Variants in GPR155 observed in about 807,000 individuals in gnomAD.
GPR155 encodes the protein lysosomal cholesterol signaling protein.
GPR155 carries 65 observed loss-of-function variants against 93.1 expected under a neutral mutation model. The ratio of observed to expected loss-of-function variants is 0.70; its 90% CI spans 0.57 to 0.86. The LOEUF is 0.86. Among genes scored for constraint, GPR155 ranks in the 40% least tolerant of loss-of-function variants. The probability of loss-of-function intolerance (pLI) is 0.00; values close to 1 mark genes in which losing one functional copy is unlikely to be tolerated. For synonymous variants in GPR155, 319 were observed against 360.1 expected (o/e 0.89, Z 1.29); for missense variants, 838 against 1,034.8 (o/e 0.81, Z 2.61).
chr2:174,441,173 T>G lies in GPR155; in HGVS notation c.2174+946A>C, dbSNP rs552427316. Reference sequence around the variant, plus strand: ...GTGGCATTTAGTGGTGTCTTCGCAGTTACTAAAGGTTTAAAAACATCACTA... The same window carrying G: ...GTGGCATTTAGTGGTGTCTTCGCAGGTACTAAAGGTTTAAAAACATCACTA... On this transcript the variant is annotated intron_variant, in intron 14 of 15. Coordinates refer to ENST00000392552, the MANE Select transcript of GPR155 (RefSeq NM_152529.7). 2.0e-5 allele frequency among the ~76,000 whole-genome samples: 3 copies of G among 152,258 alleles called. No homozygotes were observed. In the South Asian group the frequency reaches 6.2e-4, roughly 32 times the overall value.
chr2:174,446,793 T>C, intron 11 of GPR155, 46 bp from the exon 12 acceptor site: 1 of 1,566,802 alleles, frequency 6.4e-7, no homozygotes, highest in Non-Finnish European at 8.7e-7. Context: ...GCTTTTTATC[T>C]AAATGCATTT....
chr2:174,461,364 C>A (rs758384474), intron 9 of GPR155, 38 bp downstream of exon 9: 26 of 1,256,682 alleles, frequency 2.1e-5, no homozygotes, highest in Non-Finnish European at 2.8e-5. Context: ...TAAAAAGAGA[C>A]ATTCTCAAGA....
intron 13 of GPR155, among the ~76,000 whole-genome samples, chr2:174,443,727 T>TA (rs1024058872): frequency 2.6e-4 from 38 of 146,364 alleles, no homozygotes; most frequent in Admixed American, 4.1e-4. Context: ...CCATCTCAAT[T>TA]AAAAAAAAAA....
intron 11 of GPR155, among the ~76,000 whole-genome samples, chr2:174,452,840 C>T (rs181173408): frequency 2.1e-3 from 314 of 152,166 alleles, no homozygotes; most frequent in African/African-American, 7.2e-3. Context: ...TCAGTAGAGA[C>T]GGGGTTTCAC....
chr2:174,474,350 G>C (rs1329777878), intron 2 of GPR155, among the ~76,000 whole-genome samples: 5 of 152,188 alleles, frequency 3.3e-5, no homozygotes, highest in African/African-American at 1.2e-4. Context: ...GAATGAAAAG[G>C]AATGAATGCC....
intron 2 of GPR155, among the ~76,000 whole-genome samples, chr2:174,473,786 A>G (rs1574733446): frequency 6.6e-6 from 1 of 152,222 alleles, no homozygotes; most frequent in East Asian, 1.9e-4. Context: ...GACAGAAGTC[A>G]GATCACAGAG....
Position 174,432,703 on chromosome 2 carries a change from A to AATTGCT in GPR155, c.*3412_*3413insAGCAAT, listed in dbSNP as rs1308767753. The AATTGCT allele has an allele frequency of 6.6e-6, 1 of 151,978 alleles. No homozygotes were observed. The highest frequency in any genetic ancestry group is 1.9e-4 in the East Asian group (1 of 5,192). 9.4% of individuals were successfully genotyped at this position (151,978 alleles called of 1,614,324 possible). A position where few individuals can be genotyped will look rare whatever the true frequency, so the allele number is the denominator to read the frequency against. On this transcript the variant is annotated 3_prime_UTR_variant, in exon 16 of 16. Transcript: ENST00000392552. ...TCACAACTTAAAATTGGTATAGGTT[A>AATTGCT]ATAGTACACTAAAGTATAATTTATT...
chr2:174,463,068 C>T (rs1234381149), intron 7 of GPR155, among the ~76,000 whole-genome samples: 2 of 151,522 alleles, frequency 1.3e-5, no homozygotes, highest in African/African-American at 4.8e-5. Context: ...GTACCTAAGA[C>T]ATATTCTTCA....
At chr2:174,436,768 A>G (rs964510553) in intron 15 of GPR155, among the ~76,000 whole-genome samples, 16 of 152,250 alleles carry the variant, frequency 1.1e-4, no homozygotes, top group African/African-American at 3.6e-4. Flanking sequence ...TTTATAATTT[A>G]TACTTTTAGT....
At position 174,446,758 on chromosome 2, in the gene GPR155, G is replaced by A; in HGVS notation, c.1877-11C>T. On this transcript the variant is annotated splice_polypyrimidine_tract_variant and intron_variant, in intron 11 of 15. Transcript: ENST00000392552. ...TCACACAATGATTGTCTATAAAAGA[G>A]TAAGCACAACAATTTGTAATCAGAG... 1 of 1,611,968 alleles carries A rather than the reference G, an allele frequency of 6.2e-7. No homozygotes were observed. The highest frequency in any genetic ancestry group is 8.5e-7 in the Non-Finnish European group (1 of 1,179,112).
intron 9 of GPR155, among the ~76,000 whole-genome samples, chr2:174,460,896 A>ACG (rs1367862116): frequency 2.0e-5 from 3 of 152,158 alleles, no homozygotes; most frequent in Non-Finnish European, 4.4e-5. Flanking sequence ...AAATTGCAAA[A>ACG]CAGAAAAAAA....
chr2:174,436,932 TTTC>T (rs1342037235), intron 15 of GPR155, among the ~76,000 whole-genome samples: 1 of 152,224 alleles, frequency 6.6e-6, no homozygotes, highest in Non-Finnish European at 1.5e-5. Flanking sequence ...ACAAGTAGCC[TTTC>T]TTCTTGCCCT....
chr2:174,439,993 C>G lies in GPR155; in HGVS notation c.2217G>C (p.Arg739Ser). ...LWNNKDTAENRDSPVSEEIKM... is the reference protein window; with the variant it reads ...LWNNKDTAENSDSPVSEEIKM... The stretch of plus-strand genomic sequence containing the variant: ...TTATTTCCTCTGAAACAGGAGAATC[C>G]CTGTTTTCTGCTGTGTCTTTATTGT... The change falls in exon 15 of 16, where the codon AGG (arginine) becomes AGC (serine). Residue 739 changes from arginine (R) to serine (S), a missense_variant. Coordinates refer to ENST00000392552, the MANE Select transcript of GPR155 (RefSeq NM_152529.7). 6.2e-7 allele frequency: 1 copy of G among 1,611,322 alleles called. No individual in the cohort carries two copies. Among genetic ancestry groups the G allele is most frequent in the South Asian group, 1.1e-5 (1 of 90,798 alleles).
chr2:174,458,357 A>G (rs1467186010), intron 10 of GPR155, among the ~76,000 whole-genome samples: 2 of 152,172 alleles, frequency 1.3e-5, no homozygotes, highest in East Asian at 1.9e-4. Context: ...ACTAAAATGA[A>G]TCCTTGGTGT....
chr2:174,468,919 A>G lies in GPR155; in HGVS notation c.1175T>C (p.Ile392Thr), dbSNP rs567747136. The part of the protein sequence containing the change: ...VSFDISIVSL[I>T]SLIWSLAILL... ...GGGATGCAACGTACTTACCAAGGAGATCAGGCTGACAATACTTATATCAAA... is the reference window on the plus strand; with the variant it reads ...GGGATGCAACGTACTTACCAAGGAGGTCAGGCTGACAATACTTATATCAAA... Residue 392 changes from isoleucine (I) to threonine (T), a missense_variant, in exon 5 of 16, where the codon ATC becomes ACC. Ile to Thr is a moderately conservative substitution (Grantham distance 89, BLOSUM62 -1). Around this residue, in one of 3 missense-constraint regions of GPR155, gnomAD observed 663 missense variants for 790.1 expected, o/e 0.84. Coordinates refer to ENST00000392552, the MANE Select transcript of GPR155 (RefSeq NM_152529.7). 6.2e-7 allele frequency: 1 copy of G among 1,613,668 alleles called. No homozygotes were observed. The highest frequency in any genetic ancestry group is 8.5e-7 in the Non-Finnish European group (1 of 1,179,648).
At chr2:174,444,971 TTA>T in intron 13 of GPR155, 108 bp downstream of exon 13, 1 of 628,858 alleles carries the variant, frequency 1.6e-6, no homozygotes, top group South Asian at 1.9e-5. Context: ...TAAATCCTTT[TTA>T]TGTGAAAGAA....
At chr2:174,472,650 C>T (rs942347217) in intron 3 of GPR155, among the ~76,000 whole-genome samples, 13 of 152,086 alleles carry the variant, frequency 8.5e-5, no homozygotes, top group Non-Finnish European at 4.4e-5. Context: ...TTGGAAAAGT[C>T]AGAAATGCTG....
chr2:174,468,038 A>G (rs985549238), intron 5 of GPR155, among the ~76,000 whole-genome samples: 4 of 152,164 alleles, frequency 2.6e-5, no homozygotes, highest in African/African-American at 9.7e-5. Context: ...GCCAGATCAC[A>G]TTCCTCATAT....
chr2:174,453,323 C>T (rs1687381119), intron 11 of GPR155, among the ~76,000 whole-genome samples: 1 of 152,140 alleles, frequency 6.6e-6, no homozygotes, highest in Non-Finnish European at 1.5e-5. Flanking sequence ...ATGTTTGTAA[C>T]TTCTATAGAT....
Sources: allele counts gnomAD v4.1 joint callset (sites outside exome capture counted in the v4.1 genomes callset), GRCh38; gene constraint gnomAD v4.1.1; regional missense constraint gnomAD v4.1.1; transcripts MANE v1.5; gene names NCBI Gene and HGNC (gene_info 2026-07-23, HGNC 2026-07-21).